MCF2: variants seen among roughly 807,000 people sequenced by gnomAD.
The protein encoded by MCF2 is MCF.2 cell line derived transforming sequence.
Under a neutral mutation model 82.5 loss-of-function variants are expected in MCF2, and 44 were observed. That is an observed-to-expected ratio of 0.53 (90% CI 0.42 to 0.69). MCF2 has a LOEUF of 0.69. Among genes scored for constraint, MCF2 ranks in the 30% least tolerant of loss-of-function variants. MCF2 has a pLI of 0.00. For synonymous variants in MCF2, 217 were observed against 224.9 expected, an observed-to-expected ratio of 0.96 and a Z score of 0.32; for missense variants, 623 against 663.1, an observed-to-expected ratio of 0.94 and a Z score of 0.66.
chrX:139,690,168 G>A (rs1216921964), intron 1 of MCF2, among the ~76,000 whole-genome samples: 1 of 109,208 alleles, frequency 9.2e-6, no homozygotes, highest in Non-Finnish European at 1.9e-5. Context: ...ACATTGTAAT[G>A]CCACAGGAAT....
chrX:139,678,082 G>T lies in MCF2; in HGVS notation c.-44-26294C>A, dbSNP rs182504689. 1.4e-3 allele frequency among the ~76,000 whole-genome samples: 151 copies of T among 111,695 alleles called. 1 individual carries two copies. The highest frequency in any genetic ancestry group is 4.6e-3 in the African/African-American group (142 of 30,723). On this transcript the variant is annotated intron_variant, in intron 1 of 27. Coordinates refer to the MCF2 transcript ENST00000414978. ...GTAGGCTGAGGTGGAAGGATCGCTTGAGCCCAGGAGGTCGAGGCTGCAGTG... is the reference window on the plus strand; with the variant it reads ...GTAGGCTGAGGTGGAAGGATCGCTTTAGCCCAGGAGGTCGAGGCTGCAGTG...
rs372352602 is a variant in MCF2, at chrX:139,604,846, T to C, written c.1673+23A>G. On this transcript the variant is annotated intron_variant, in intron 14 of 24. Transcript: ENST00000370576. ...TTTAAATAGTTTTATAAAAAATAAA[T>C]ATTCAATTCAGCAATTACATACTCG... 4.7e-6 allele frequency: 5 copies of C among 1,072,140 alleles called. No individual in the cohort carries two copies. In the African/African-American group the frequency reaches 9.3e-5, roughly 20 times the overall value. The allele number at this position is 1,072,140 out of a possible 1,213,427, so 88.4% of individuals were successfully genotyped here.
At position 139,692,220 on chromosome X, in the gene MCF2, C is replaced by T. The variant is rs188291946; in HGVS notation, c.-45+15886G>A. ...GAGCCGGGCAGGGCCGCTACTCCAG[C>T]CAGCAGCTGCCCAGCTCTGACCCGC... On this transcript the variant is annotated intron_variant, in intron 1 of 27. Coordinates refer to the MCF2 transcript ENST00000414978. 845 of 679,567 alleles carry T rather than the reference C, an allele frequency of 1.2e-3. 11 individuals are homozygous for T. The East Asian group carries it at 0.026, about 21-fold the overall frequency. The allele number at this position is 679,567 out of a possible 1,213,427, so 56.0% of individuals were successfully genotyped here.
chrX:139,640,275 G>A (rs1483769815), intron 1 of MCF2, among the ~76,000 whole-genome samples: 1 of 111,913 alleles, frequency 8.9e-6, no homozygotes, highest in Non-Finnish European at 1.9e-5. Context: ...GATGCTGACA[G>A]GCACTTGACT....
intron 1 of MCF2, among the ~76,000 whole-genome samples, chrX:139,689,910 G>A (rs1159499164): frequency 1.1e-4 from 12 of 111,601 alleles, no homozygotes; most frequent in Non-Finnish European, 2.3e-4. Context: ...TCCACAAATG[G>A]TCATTTTTGA....
chrX:139,596,396 T>C (rs987443060), intron 19 of MCF2, among the ~76,000 whole-genome samples, 153 bp downstream of exon 23: 50 of 111,245 alleles, frequency 4.5e-4, no homozygotes, highest in African/African-American at 1.6e-3. Flanking sequence ...TTATGATTCA[T>C]CTGACTTCTA....
In MCF2 at chrX:139,614,872, A is replaced by G. The variant is rs1401534167; in HGVS notation, c.1363+9T>C. The stretch of plus-strand genomic sequence containing the variant: ...GAAAAAAAGAGACAGAGAAAGTAAG[A>G]CATTTTACCTTGTTTAGATGAAAAA... On this transcript the variant is annotated intron_variant, in intron 10 of 24. Coordinates refer to ENST00000370576, the Ensembl canonical transcript of MCF2. 8.4e-7 allele frequency: 1 copy of G among 1,190,674 alleles called. No individual in the cohort carries two copies. Among genetic ancestry groups the G allele is most frequent in the Non-Finnish European group, 1.1e-6 (1 of 882,338 alleles).
intron 4 of MCF2, among the ~76,000 whole-genome samples, chrX:139,629,167 C>A (rs898966611): frequency 3.6e-5 from 4 of 112,263 alleles, no homozygotes; most frequent in African/African-American, 1.3e-4. Context: ...GCCTACTGGA[C>A]ACCTAGGCTA....
In MCF2 at chrX:139,595,153, G is replaced by A. The variant is rs1929941870; in HGVS notation, c.2277+1396C>T. 2.8e-5 allele frequency among the ~76,000 whole-genome samples: 3 copies of A among 108,949 alleles called. No homozygotes were observed. The South Asian group carries it at 1.2e-3, about 44-fold the overall frequency. The allele number at this position is 108,949 out of a possible 115,157, so 94.6% of individuals were successfully genotyped here. A position where few individuals can be genotyped will look rare whatever the true frequency, so the allele number is the denominator to read the frequency against. On this transcript the variant is annotated intron_variant, in intron 19 of 24. Transcript: ENST00000370576. ...GGGACTGTAAACTAGTTCAACCATT[G>A]TGGAAGTCAGTGTGGCGATTCCTCA...
intron 1 of MCF2, among the ~76,000 whole-genome samples, chrX:139,663,011 T>G (rs1226021133): frequency 8.9e-6 from 1 of 112,456 alleles, no homozygotes; most frequent in Non-Finnish European, 1.9e-5. Context: ...CCATTGTGTA[T>G]ATATGCCACA....
intron 10 of MCF2, among the ~76,000 whole-genome samples, chrX:139,611,883 C>T (rs1400954997): frequency 9.1e-6 from 1 of 110,212 alleles, no homozygotes; most frequent in Non-Finnish European, 1.9e-5. Flanking sequence ...GGAGTAGAAG[C>T]TAACATGTGG....
At position 139,604,852 on chromosome X, in the gene MCF2, A is replaced by G; in HGVS notation, c.1673+17T>C. ...TAGTTTTATAAAAAATAAATATTCA[A>G]TTCAGCAATTACATACTCGTTATGG... On this transcript the variant is annotated intron_variant, in intron 14 of 24. Transcript: ENST00000370576. 3.7e-6 allele frequency: 4 copies of G among 1,078,358 alleles called. No individual in the cohort carries two copies. The highest frequency in any genetic ancestry group is 5.1e-6 in the Non-Finnish European group (4 of 783,957). 88.9% of individuals were successfully genotyped at this position (1,078,358 alleles called of 1,213,427 possible).
intron 1 of MCF2, among the ~76,000 whole-genome samples, chrX:139,639,052 A>G (rs752839018): frequency 8.9e-5 from 10 of 111,749 alleles, no homozygotes; most frequent in Non-Finnish European, 1.5e-4. Flanking sequence ...CACATATCAA[A>G]GCAAATATAG....
At chrX:139,612,970 T>C (rs901224593) in intron 10 of MCF2, among the ~76,000 whole-genome samples, 1 of 111,810 alleles carries the variant, frequency 8.9e-6, no homozygotes, top group African/African-American at 3.2e-5. Context: ...CTTTATTCTT[T>C]TTGCGGGGTC....
intron 1 of MCF2, among the ~76,000 whole-genome samples, chrX:139,669,730 A>G (rs897144045): frequency 3.0e-4 from 34 of 112,356 alleles, no homozygotes; most frequent in African/African-American, 1.1e-3. Flanking sequence ...GAAACGAAGG[A>G]CTAATACATC....
chrX:139,672,796 C>T (rs781148171), intron 1 of MCF2, among the ~76,000 whole-genome samples: 1 of 111,723 alleles, frequency 9.0e-6, no homozygotes, highest in East Asian at 2.8e-4. Context: ...TGTGTCTCTG[C>T]CAGGCTTTGG....
chrX:139,627,246 C>T (rs1424420167), intron 4 of MCF2, among the ~76,000 whole-genome samples: 1 of 111,998 alleles, frequency 8.9e-6, no homozygotes, highest in Non-Finnish European at 1.9e-5. Flanking sequence ...TCTGCTAACA[C>T]TTTTAATGAG....
intron 11 of MCF2, among the ~76,000 whole-genome samples, chrX:139,608,110 A>T (rs1472054483): frequency 8.9e-6 from 1 of 111,932 alleles, no homozygotes; most frequent in Non-Finnish European, 1.9e-5. Context: ...CATCTTTTTA[A>T]CCATAGTGAT....
intron 15 of MCF2, among the ~76,000 whole-genome samples, chrX:139,604,463 C>T (rs1040183102): frequency 2.1e-4 from 23 of 110,344 alleles, no homozygotes; most frequent in Non-Finnish European, 3.6e-4. Context: ...GCATTTGATA[C>T]CACAGAATGG....
Sources: gnomAD v4.1 joint callset for allele counts (sites outside exome capture counted in the v4.1 genomes callset) on GRCh38, gnomAD v4.1.1 for gene constraint, MANE v1.5 for transcripts, NCBI Gene and HGNC (gene_info 2026-07-23, HGNC 2026-07-21) for gene names.